Variants in SLC6A6 observed in about 807,000 individuals in gnomAD.
SLC6A6 encodes the protein sodium- and chloride-dependent taurine transporter.
In SLC6A6, 16 loss-of-function variants were observed where a neutral mutation model predicts 68.8. The observed-to-expected ratio is 0.23, with a 90% CI of 0.16 to 0.35. The LOEUF is 0.35. SLC6A6 is among the 10% of genes least tolerant of loss of function. SLC6A6 has a pLI of 1.00. For synonymous variants in SLC6A6, 312 were observed against 315.4 expected (o/e 0.99, Z 0.12); for missense variants, 474 against 802.8 (o/e 0.59, Z 4.95).
At chr3:14,449,340 A>T (rs952190598) in intron 5 of SLC6A6, among the ~76,000 whole-genome samples, 4 of 152,240 alleles carry the variant, frequency 2.6e-5, no homozygotes, top group Non-Finnish European at 5.9e-5. Flanking sequence ...TTGGAAGCAC[A>T]ATCATTGCCC....
Position 14,408,288 on chromosome 3 carries a change from C to T in SLC6A6, c.-54+5441C>T, listed in dbSNP as rs1055442919. ...TCGGATCATTATAAAAAAGTACAAT[C>T]TGATCTTCAGTCTGTCCACCTGCCT... On this transcript the variant is annotated intron_variant, in intron 1 of 14. Coordinates refer to ENST00000622186, the MANE Select transcript of SLC6A6 (RefSeq NM_003043.6). 3.9e-5 allele frequency among the ~76,000 whole-genome samples: 6 copies of T among 152,054 alleles called. No homozygotes were observed. In the East Asian group the frequency reaches 1.2e-3, roughly 29 times the overall value.
intron 2 of SLC6A6, among the ~76,000 whole-genome samples, chr3:14,441,542 C>T (rs1032123489): frequency 4.6e-5 from 7 of 152,150 alleles, no homozygotes; most frequent in Admixed American, 1.3e-4. Flanking sequence ...GTCTGCTGGC[C>T]GCCAGATAGT....
At chr3:14,464,307 G>T (rs1404913111) in intron 6 of SLC6A6, among the ~76,000 whole-genome samples, 1 of 152,212 alleles carries the variant, frequency 6.6e-6, no homozygotes, top group Non-Finnish European at 1.5e-5. Flanking sequence ...GGGCTGTGGG[G>T]CAGGTCCCCA....
rs561541819 is a variant in SLC6A6, at chr3:14,433,974, A to C, written c.-11-9650A>C. ...CTGGGGCAGCACAAAACTTGGGATA[A>C]ATCCAGGTTCTAACTCTGGCCTTGG... On this transcript the variant is annotated intron_variant, in intron 2 of 14. Coordinates refer to ENST00000622186, the MANE Select transcript of SLC6A6 (RefSeq NM_003043.6). Among the ~76,000 whole-genome samples the C allele has an allele frequency of 2.6e-5, 4 of 152,256 alleles. No homozygotes were observed. The South Asian group carries it at 8.3e-4, about 32-fold the overall frequency.
At chr3:14,457,645 A>G (rs1700398859) in intron 5 of SLC6A6, among the ~76,000 whole-genome samples, 1 of 152,228 alleles carries the variant, frequency 6.6e-6, no homozygotes, top group Admixed American at 6.5e-5. Context: ...GTCCCAACAG[A>G]AAATCAGTGC....
intron 2 of SLC6A6, among the ~76,000 whole-genome samples, chr3:14,441,461 C>T (rs1201905641): frequency 1.3e-5 from 2 of 152,186 alleles, no homozygotes; most frequent in Admixed American, 6.5e-5. Flanking sequence ...CAGAGAAAGG[C>T]GGCGCGGATG....
chr3:14,460,738 G>C (rs1208809095), intron 6 of SLC6A6, among the ~76,000 whole-genome samples: 1 of 152,250 alleles, frequency 6.6e-6, no homozygotes, highest in Non-Finnish European at 1.5e-5. Flanking sequence ...AACCTCCTTC[G>C]TGGGGTGGCT....
chr3:14,421,732 C>T (rs1699490097), intron 2 of SLC6A6, among the ~76,000 whole-genome samples: 1 of 152,186 alleles, frequency 6.6e-6, no homozygotes, highest in South Asian at 2.1e-4. Context: ...CCCCCATTTA[C>T]AGGTGAGAAA....
At chr3:14,448,101 G>A in intron 5 of SLC6A6, 1 of 1,152,674 alleles carries the variant, frequency 8.7e-7, no homozygotes, top group Non-Finnish European at 1.1e-6. Flanking sequence ...CTGTGAGGCA[G>A]GTATGCATAC....
intron 2 of SLC6A6, among the ~76,000 whole-genome samples, chr3:14,441,467 G>A (rs769995956): frequency 1.1e-4 from 17 of 152,316 alleles, no homozygotes; most frequent in South Asian, 2.1e-4. Context: ...AAGGCGGCGC[G>A]GATGCTCTGG....
Position 14,481,966 on chromosome 3 carries a change from C to G in SLC6A6, c.1722+125C>G. 1 of 747,218 alleles carries G rather than the reference C, an allele frequency of 1.3e-6. No individual in the cohort carries two copies. The highest frequency in any genetic ancestry group is 2.2e-6 in the Non-Finnish European group (1 of 454,654). 46.3% of individuals were successfully genotyped at this position (747,218 alleles called of 1,614,324 possible). On this transcript the variant is annotated intron_variant, in intron 14 of 14. Coordinates refer to ENST00000622186, the MANE Select transcript of SLC6A6 (RefSeq NM_003043.6). This position sits in a 1 kb window ranked among gnomAD's most constrained non-coding sequence, Gnocchi z 4.7. ...TCTGAGCCATAGTTCCCTCACCCAT[C>G]CAGTGGTTCAGCTTATGGGCAGCAG...
chr3:14,442,379 C>T (rs369629615), intron 2 of SLC6A6, among the ~76,000 whole-genome samples: 4 of 152,140 alleles, frequency 2.6e-5, no homozygotes, highest in African/African-American at 4.8e-5. Flanking sequence ...CAGAGAGGGG[C>T]GAGTAGGCCT....
At chr3:14,421,539 A>G (rs1337670586) in intron 2 of SLC6A6, among the ~76,000 whole-genome samples, 1 of 152,264 alleles carries the variant, frequency 6.6e-6, no homozygotes, top group Non-Finnish European at 1.5e-5. Flanking sequence ...AGAACGGCAC[A>G]TAGCAGTTCT....
chr3:14,409,378 A>C (rs1055300598), intron 1 of SLC6A6, among the ~76,000 whole-genome samples: 2 of 152,210 alleles, frequency 1.3e-5, no homozygotes, highest in African/African-American at 4.8e-5. Flanking sequence ...GCATTCTGAG[A>C]AGGGAAGGAA....
In SLC6A6 at chr3:14,402,916, C is replaced by G; in HGVS notation, c.-54+69C>G. On this transcript the variant is annotated intron_variant, in intron 1 of 14. Coordinates refer to ENST00000622186, the MANE Select transcript of SLC6A6 (RefSeq NM_003043.6). The surrounding 1 kb of genome is among the most constrained non-coding windows in gnomAD (Gnocchi z 4.8). ...GCCGTCTGCAGCCCCTCCCCATCCC[C>G]GCGTCGCCGCAGTCCCGGCCTCCTC... 2.6e-6 allele frequency: 1 copy of G among 387,958 alleles called. No homozygotes were observed. Among genetic ancestry groups the G allele is most frequent in the Non-Finnish European group, 4.6e-6 (1 of 219,184 alleles). The allele number at this position is 387,958 out of a possible 1,614,324, so 24.0% of individuals were successfully genotyped here.
chr3:14,439,469 G>T (rs1408053339), intron 2 of SLC6A6, among the ~76,000 whole-genome samples: 1 of 152,210 alleles, frequency 6.6e-6, no homozygotes, highest in Non-Finnish European at 1.5e-5. Flanking sequence ...TTGGTTTCAG[G>T]CACAGCTGGC....
chr3:14,429,018 G>T (rs1384326127), intron 2 of SLC6A6, among the ~76,000 whole-genome samples: 1 of 152,180 alleles, frequency 6.6e-6, no homozygotes, highest in African/African-American at 2.4e-5. Context: ...ACAAGGCCAG[G>T]CTTCTTTTTC....
At chr3:14,478,406 A>T in intron 11 of SLC6A6, 60 bp from the exon 12 acceptor site, 1 of 984,814 alleles carries the variant, frequency 1.0e-6, no homozygotes, top group Non-Finnish European at 1.6e-6. Context: ...AGCTCTTTGT[A>T]TATGAAAGAA....
At position 14,477,101 on chromosome 3, in the gene SLC6A6, C is replaced by T. The variant is rs184179555; in HGVS notation, c.1210-104C>T. ...CCAATTCTGGACACAAGGATGGTCA[C>T]GTCTGCTCCTGCATTGTGTGTTCCT... On this transcript the variant is annotated intron_variant, in intron 10 of 14. Coordinates refer to ENST00000622186, the MANE Select transcript of SLC6A6 (RefSeq NM_003043.6). The surrounding 1 kb of genome is among the most constrained non-coding windows in gnomAD (Gnocchi z 4.2). The T allele has an allele frequency of 1.1e-5, 12 of 1,065,830 alleles. No individual in the cohort carries two copies. The highest frequency in any genetic ancestry group is 5.9e-5 in the Admixed American group (3 of 51,240). The allele number at this position is 1,065,830 out of a possible 1,614,324, so 66.0% of individuals were successfully genotyped here. A position where few individuals can be genotyped will look rare whatever the true frequency, so the allele number is the denominator to read the frequency against.
Sources: allele counts gnomAD v4.1 joint callset (sites outside exome capture counted in the v4.1 genomes callset), GRCh38; gene constraint gnomAD v4.1.1; non-coding constraint Gnocchi (gnomAD v3.1); transcripts MANE v1.5; gene names NCBI Gene and HGNC (gene_info 2026-07-23, HGNC 2026-07-21).